BMPER: variants seen among roughly 807,000 people sequenced by gnomAD.
BMPER encodes BMP-binding endothelial regulator protein.
In BMPER, 45 loss-of-function variants were observed where a neutral mutation model predicts 87.3. The ratio of observed to expected loss-of-function variants is 0.52; its 90% CI spans 0.41 to 0.66. BMPER has a LOEUF of 0.66. Among genes scored for constraint, BMPER ranks in the 30% least tolerant of loss-of-function variants. BMPER has a pLI of 0.00. For missense variants in BMPER, 784 were observed against 867.5 expected, an observed-to-expected ratio of 0.90 and a Z score of 1.21; for synonymous variants, 326 against 316.2, an observed-to-expected ratio of 1.03 and a Z score of -0.33.
chr7:34,092,359 A>T (rs1184802662), intron 13 of BMPER, among the ~76,000 whole-genome samples: 1 of 152,096 alleles, frequency 6.6e-6, no homozygotes, highest in Non-Finnish European at 1.5e-5. Flanking sequence ...TCTGTCCCTC[A>T]GGTAGTGTTT....
At chr7:34,047,971 A>G (rs1284395232) in intron 7 of BMPER, among the ~76,000 whole-genome samples, 1 of 151,718 alleles carries the variant, frequency 6.6e-6, no homozygotes, top group East Asian at 1.9e-4. Flanking sequence ...AGCATATTGA[A>G]CAAAATAAAA....
At chr7:34,123,506 T>C (rs1317077186) in intron 13 of BMPER, among the ~76,000 whole-genome samples, 2 of 152,220 alleles carry the variant, frequency 1.3e-5, no homozygotes, top group African/African-American at 4.8e-5. Flanking sequence ...TTCTAAGCTG[T>C]GGCCTGGGCA....
chr7:34,126,410 CTT>C (rs1432358691), intron 13 of BMPER, among the ~76,000 whole-genome samples: 1 of 152,240 alleles, frequency 6.6e-6, no homozygotes, highest in Admixed American at 6.5e-5. Context: ...TTTTTGGAAA[CTT>C]TTGATTAAAG....
intron 12 of BMPER, among the ~76,000 whole-genome samples, chr7:34,081,971 A>C (rs930668675): frequency 2.6e-5 from 4 of 152,236 alleles, no homozygotes; most frequent in Admixed American, 2.0e-4. Flanking sequence ...CCACAAAATT[A>C]AACAAAAACC....
intron 13 of BMPER, among the ~76,000 whole-genome samples, chr7:34,106,049 G>A (rs1789810264): frequency 1.3e-5 from 2 of 152,182 alleles, no homozygotes; most frequent in Admixed American, 1.3e-4. Context: ...GCCGAGTCAG[G>A]AGCTCGTCTC....
intron 6 of BMPER, among the ~76,000 whole-genome samples, chr7:34,009,040 TCTCAAATTCCTGGC>T: frequency 6.6e-6 from 1 of 151,878 alleles, no homozygotes; most frequent in Non-Finnish European, 1.5e-5. Context: ...CCCAGGCTAG[TCTCAAATTCCTGGC>T]CTCAAATGAT....
chr7:33,961,843 A>G (rs942392111), intron 3 of BMPER, among the ~76,000 whole-genome samples: 13 of 152,166 alleles, frequency 8.5e-5, no homozygotes, highest in African/African-American at 2.9e-4. Context: ...AGGCAATGAC[A>G]TGGAGTTCTA....
rs1786783359 is a variant in BMPER, at chr7:34,008,060, A to T, written c.576+33276A>T. ...TTATCTTAATATTGAGTATAGTTTA[A>T]TATCTTTTTATGTACAGATATTTAT... is the stretch of plus-strand genomic sequence containing the variant. On this transcript the variant is annotated intron_variant, in intron 6 of 14. Transcript: ENST00000649409. Among the ~76,000 whole-genome samples the T allele has an allele frequency of 2.0e-5, 3 of 152,134 alleles. No homozygotes were observed. The South Asian group carries it at 6.2e-4, about 32-fold the overall frequency.
intron 6 of BMPER, among the ~76,000 whole-genome samples, chr7:34,031,925 T>C (rs112742270): frequency 0.09 from 8,458 of 94,434 alleles, 298 homozygotes; most frequent in African/African-American, 0.14. Context: ...TATATATATA[T>C]ATACACACAC....
intron 1 of BMPER, 104 bp downstream of exon 1, chr7:33,905,850 C>G: frequency 7.2e-7 from 1 of 1,397,988 alleles, no homozygotes; most frequent in Non-Finnish European, 9.8e-7. Flanking sequence ...GGAGCGCGCA[C>G]CTTGGCGCTT....
At chr7:34,047,342 G>A (rs1788002223) in intron 7 of BMPER, among the ~76,000 whole-genome samples, 1 of 151,966 alleles carries the variant, frequency 6.6e-6, no homozygotes, top group African/African-American at 2.4e-5. Flanking sequence ...ACAGTGGTGT[G>A]ATCTTGGCTC....
At chr7:34,119,014 T>TCTCTCTCTCTCA (rs66493349) in intron 13 of BMPER, among the ~76,000 whole-genome samples, 55 of 135,792 alleles carry the variant, frequency 4.1e-4, no homozygotes, top group African/African-American at 1.4e-3. Flanking sequence ...TCTCTCTCTC[T>TCTCTCTCTCTCA]CACACACACA....
intron 4 of BMPER, 35 bp downstream of exon 4, chr7:33,966,596 G>A (rs770330036): frequency 6.3e-6 from 10 of 1,590,086 alleles, no homozygotes; most frequent in Middle Eastern, 1.7e-4. Flanking sequence ...CAGTAAAAAG[G>A]AATCCATAGA....
intron 3 of BMPER, among the ~76,000 whole-genome samples, chr7:33,960,656 A>G (rs1337016742): frequency 6.6e-6 from 1 of 152,254 alleles, no homozygotes; most frequent in Non-Finnish European, 1.5e-5. Flanking sequence ...ATAGATTTTG[A>G]AAGGAAAAGG....
chr7:34,122,705 G>T (rs913203196), intron 13 of BMPER, among the ~76,000 whole-genome samples: 1 of 152,204 alleles, frequency 6.6e-6, no homozygotes, highest in African/African-American at 2.4e-5. Flanking sequence ...AAGGACAATC[G>T]TGAGTCAAAG....
intron 2 of BMPER, among the ~76,000 whole-genome samples, chr7:33,923,317 C>A (rs992954974): frequency 5.3e-5 from 8 of 152,136 alleles, no homozygotes; most frequent in Non-Finnish European, 1.2e-4. Context: ...ATGTCCCCTC[C>A]GCCACACACA....
chr7:33,997,963 A>G (rs899542592), intron 6 of BMPER, among the ~76,000 whole-genome samples: 1 of 151,990 alleles, frequency 6.6e-6, no homozygotes, highest in South Asian at 2.1e-4. Context: ...ATTTTTCCCC[A>G]TTGCTTATTT....
At position 34,156,237 on chromosome 7, in the gene BMPER, G is replaced by A. The variant is rs760425187; in HGVS notation, c.*2964G>A. Among the ~76,000 whole-genome samples the A allele has an allele frequency of 8.5e-5, 13 of 152,078 alleles. No homozygotes were observed. The highest frequency in any genetic ancestry group is 2.2e-4 in the African/African-American group (9 of 41,384). On this transcript the variant is annotated 3_prime_UTR_variant, in exon 15 of 15. Coordinates refer to ENST00000649409, the MANE Select transcript of BMPER (RefSeq NM_001365308.1). ...CTTCTCCCAGCTTTCACTGAAACAC[G>A]GATAAACCATTTCAACTGGAAAACT...
intron 2 of BMPER, among the ~76,000 whole-genome samples, chr7:33,909,920 G>A (rs1327437522): frequency 6.6e-6 from 1 of 152,164 alleles, no homozygotes. Context: ...GGGTGCAGTG[G>A]CCACTGTAAG....
Sources: gnomAD v4.1 joint callset for allele counts (sites outside exome capture counted in the v4.1 genomes callset) on GRCh38, gnomAD v4.1.1 for gene constraint, MANE v1.5 for transcripts, NCBI Gene and HGNC (gene_info 2026-07-23, HGNC 2026-07-21) for gene names.